The following ARB2A variants were observed in gnomAD, a reference collection of about 807,000 sequenced individuals.
ARB2A encodes the protein cotranscriptional regulator ARB2A.
At chr5:93,822,846 A>C in the ARB2A span, among the ~76,000 whole-genome samples, 3 of 152,256 alleles carry the variant, frequency 2.0e-5, no homozygotes, top group Non-Finnish European at 1.5e-5. Flanking sequence ...TTAGAAAATA[A>C]ATGATTTAAC....
At chr5:93,622,476 C>T in the ARB2A span, among the ~76,000 whole-genome samples, 1 of 152,222 alleles carries the variant, frequency 6.6e-6, no homozygotes, top group African/African-American at 2.4e-5. Context: ...GACAGTATCA[C>T]AATCTAGGAG....
chr5:93,904,604 T>C, the ARB2A span, among the ~76,000 whole-genome samples: 1 of 151,946 alleles, frequency 6.6e-6, no homozygotes, highest in South Asian at 2.1e-4. Context: ...TCATAAATCA[T>C]GTATAGTGTG....
chr5:93,667,079 T>C, the ARB2A span, among the ~76,000 whole-genome samples: 7 of 152,208 alleles, frequency 4.6e-5, no homozygotes, highest in Admixed American at 1.3e-4. Flanking sequence ...TTAAGTCTTA[T>C]CAGTTCTTGG....
the ARB2A span, among the ~76,000 whole-genome samples, chr5:94,040,639 G>T: frequency 2.6e-5 from 4 of 152,124 alleles, no homozygotes; most frequent in Non-Finnish European, 4.4e-5. Flanking sequence ...TGCTGAGAAT[G>T]TGTCACTGCA....
the ARB2A span, among the ~76,000 whole-genome samples, chr5:93,991,429 C>T: frequency 3.3e-5 from 5 of 151,890 alleles, no homozygotes; most frequent in South Asian, 8.3e-4. Context: ...AACAGGAAAA[C>T]GTGATTCATA....
chr5:94,054,669 T>G, the ARB2A span, among the ~76,000 whole-genome samples: 1 of 152,176 alleles, frequency 6.6e-6, no homozygotes, highest in Non-Finnish European at 1.5e-5. Flanking sequence ...TGACTATGTC[T>G]GGCCCACCCT....
At chr5:93,949,320 T>A in the ARB2A span, among the ~76,000 whole-genome samples, 1 of 152,002 alleles carries the variant, frequency 6.6e-6, no homozygotes, top group South Asian at 2.1e-4. Context: ...CCCAGCACTT[T>A]GGGAGGCCGA....
chr5:93,878,012 A>C, the ARB2A span, among the ~76,000 whole-genome samples: 1 of 149,918 alleles, frequency 6.7e-6, no homozygotes, highest in African/African-American at 2.4e-5. Flanking sequence ...AAAATAGGAT[A>C]TTCTACTTTT....
chr5:94,058,961 C>T, the ARB2A span, among the ~76,000 whole-genome samples: 2 of 152,116 alleles, frequency 1.3e-5, no homozygotes, highest in South Asian at 2.1e-4. Flanking sequence ...TCTCTCGCTC[C>T]CTCCCTCTCA....
chr5:93,848,242 G>A, the ARB2A span, among the ~76,000 whole-genome samples: 1 of 152,082 alleles, frequency 6.6e-6, no homozygotes, highest in Non-Finnish European at 1.5e-5. Flanking sequence ...AATTAGCTGA[G>A]TGTGGTAGTG....
At chr5:94,066,767 C>T in the ARB2A span, among the ~76,000 whole-genome samples, 1,219 of 152,202 alleles carry the variant, frequency 8.0e-3, 25 homozygotes, top group Non-Finnish European at 6.2e-3. Context: ...TAAAGAAAAA[C>T]TAACACAATT....
chr5:93,935,020 A>G, the ARB2A span, among the ~76,000 whole-genome samples: 2 of 152,164 alleles, frequency 1.3e-5, no homozygotes, highest in Non-Finnish European at 2.9e-5. Flanking sequence ...AGTGGGAGCT[A>G]AGCTAGGAGG....
At chr5:93,918,852 C>G in the ARB2A span, among the ~76,000 whole-genome samples, 1 of 152,134 alleles carries the variant, frequency 6.6e-6, no homozygotes, top group African/African-American at 2.4e-5. Context: ...GATTCTTAAC[C>G]TTGGCTGCAC....
chr5:93,967,449 G>A, the ARB2A span, among the ~76,000 whole-genome samples: 1 of 152,106 alleles, frequency 6.6e-6, no homozygotes, highest in Non-Finnish European at 1.5e-5. Flanking sequence ...CCCTGAAAAT[G>A]GAGAGAGACA....
chr5:94,102,473 A>C, the ARB2A span, among the ~76,000 whole-genome samples: 1 of 152,174 alleles, frequency 6.6e-6, no homozygotes, highest in Non-Finnish European at 1.5e-5. Context: ...ACAAAAATAA[A>C]GGCAAACGAA....
the ARB2A span, among the ~76,000 whole-genome samples, chr5:93,840,291 G>A: frequency 6.6e-6 from 1 of 152,082 alleles, no homozygotes; most frequent in East Asian, 1.9e-4. Flanking sequence ...TGGTCAATAT[G>A]GCTACATTAA....
At chr5:93,760,000 A>G in the ARB2A span, among the ~76,000 whole-genome samples, 4 of 152,212 alleles carry the variant, frequency 2.6e-5, no homozygotes, top group Admixed American at 6.5e-5. Flanking sequence ...GAAAACCCTG[A>G]AAAGTTCTCC....
At chr5:93,881,322 A>C in the ARB2A span, 2 of 559,286 alleles carry the variant, frequency 3.6e-6, no homozygotes, top group African/African-American at 1.9e-5. Flanking sequence ...GAATTTAAAA[A>C]CCCATTTAAT....
the ARB2A span, among the ~76,000 whole-genome samples, chr5:93,705,647 GTGTGTA>G: frequency 4.6e-3 from 663 of 143,524 alleles, 2 homozygotes; most frequent in Non-Finnish European, 5.5e-3. Context: ...GTGTGTGTGT[GTGTGTA>G]TATATATATA....
Sources: gnomAD v4.1 joint callset for allele counts (sites outside exome capture counted in the v4.1 genomes callset) on GRCh38, gnomAD v4.1.1 for gene constraint, MANE v1.5 for transcripts, NCBI Gene and HGNC (gene_info 2026-07-23, HGNC 2026-07-21) for gene names.